NR2F1-AS1: variants seen among roughly 807,000 people sequenced by gnomAD.
NR2F1-AS1 encodes the protein NR2F1 regulatory antisense RNA 1.
chr5:93,506,918 A>G (rs906966442), intron 4 of NR2F1-AS1, among the ~76,000 whole-genome samples: 5 of 152,180 alleles, frequency 3.3e-5, no homozygotes, highest in African/African-American at 1.2e-4. Flanking sequence ...AAATTAATGA[A>G]TTTAATTGAT....
chr5:93,559,102 T>C (rs888377754), intron 2 of NR2F1-AS1, among the ~76,000 whole-genome samples: 1 of 152,142 alleles, frequency 6.6e-6, no homozygotes, highest in Non-Finnish European at 1.5e-5. Flanking sequence ...CTTCTTCCAA[T>C]AGAAGGCCAT....
At position 93,457,545 on chromosome 5, in the gene NR2F1-AS1, A is replaced by G. The variant is rs951977180; in HGVS notation, n.639-62003T>C. ...TGTCTACTTCTTTCTACATAGACAC[A>G]GTAACAGTCTGATCTCTCTTTCTCT... On this transcript the variant is annotated intron_variant and non_coding_transcript_variant, in intron 4 of 5. Coordinates refer to ENST00000660523, the Ensembl canonical transcript of NR2F1-AS1. Among the ~76,000 whole-genome samples, 3 of 152,254 alleles carry G rather than the reference A, an allele frequency of 2.0e-5. No homozygotes were observed. In the South Asian group the frequency reaches 6.2e-4, roughly 32 times the overall value.
intron 4 of NR2F1-AS1, among the ~76,000 whole-genome samples, chr5:93,490,942 G>A (rs1475196027): frequency 7.5e-6 from 1 of 134,078 alleles, no homozygotes; most frequent in Non-Finnish European, 1.6e-5. Context: ...GTGGTGGTGG[G>A]AGTGGTGGTG....
chr5:93,470,112 T>C (rs1472387559), intron 4 of NR2F1-AS1, among the ~76,000 whole-genome samples: 3 of 151,954 alleles, frequency 2.0e-5, no homozygotes, highest in Non-Finnish European at 4.4e-5. Flanking sequence ...ACAATAGTAA[T>C]AGCAGAAAAC....
chr5:93,461,903 C>T (rs539031434), intron 4 of NR2F1-AS1, among the ~76,000 whole-genome samples: 1 of 152,070 alleles, frequency 6.6e-6, no homozygotes, highest in Non-Finnish European at 1.5e-5. Flanking sequence ...AATAAATTAT[C>T]TATGACAAGT....
intron 4 of NR2F1-AS1, among the ~76,000 whole-genome samples, chr5:93,497,051 A>G (rs1032138936): frequency 2.0e-5 from 3 of 152,148 alleles, no homozygotes; most frequent in African/African-American, 7.2e-5. Flanking sequence ...CTTCTAAAAT[A>G]TAACCCTTTC....
chr5:93,497,468 A>G (rs1354933374), intron 4 of NR2F1-AS1, among the ~76,000 whole-genome samples: 1 of 152,184 alleles, frequency 6.6e-6, no homozygotes, highest in African/African-American at 2.4e-5. Context: ...CCGGTTTTCA[A>G]CATGTGGATG....
Position 93,554,038 on chromosome 5 carries a change from T to A in NR2F1-AS1, n.536-175A>T, listed in dbSNP as rs75330266. Among the ~76,000 whole-genome samples, 969 of 152,338 alleles carry A rather than the reference T, an allele frequency of 6.4e-3. 14 individuals carry two copies. Among genetic ancestry groups the A allele is most frequent in the African/African-American group, 0.023 (937 of 41,568 alleles). On this transcript the variant is annotated intron_variant and non_coding_transcript_variant, in intron 3 of 5. Transcript: ENST00000660523. ...CATTAAAAATGATATATGTAGTTACTCTGATCAATTCATTGTAGTCTATAT... is the reference window on the plus strand; with the variant it reads ...CATTAAAAATGATATATGTAGTTACACTGATCAATTCATTGTAGTCTATAT...
At chr5:93,572,970 G>C (rs925817529) in intron 1 of NR2F1-AS1, among the ~76,000 whole-genome samples, 3 of 152,244 alleles carry the variant, frequency 2.0e-5, no homozygotes, top group Admixed American at 2.0e-4. Flanking sequence ...GGGCGGCGAG[G>C]CTGGAAGGGA....
At chr5:93,532,407 G>A (rs1002357245) in intron 4 of NR2F1-AS1, among the ~76,000 whole-genome samples, 1 of 152,100 alleles carries the variant, frequency 6.6e-6, no homozygotes, top group African/African-American at 2.4e-5. Context: ...CAGAGAGAGA[G>A]AGAGAAAGAG....
chr5:93,580,277 C>G (rs1752992955), intron 1 of NR2F1-AS1, among the ~76,000 whole-genome samples: 1 of 152,252 alleles, frequency 6.6e-6, no homozygotes, highest in Non-Finnish European at 1.5e-5. Flanking sequence ...CTCGCCTTAG[C>G]GCTACGGCGA....
intron 4 of NR2F1-AS1, among the ~76,000 whole-genome samples, chr5:93,493,251 C>T (rs1750888593): frequency 6.6e-6 from 1 of 151,878 alleles, no homozygotes; most frequent in South Asian, 2.1e-4. Flanking sequence ...CAGCAATGAA[C>T]AAACTGAAAA....
At chr5:93,541,986 A>C (rs1751960687) in intron 4 of NR2F1-AS1, 1 of 151,866 alleles carries the variant, frequency 6.6e-6, no homozygotes, top group South Asian at 2.1e-4. Flanking sequence ...TTTTTGCCTC[A>C]GGTTCCAATA....
chr5:93,483,794 C>T (rs567762365), intron 4 of NR2F1-AS1, among the ~76,000 whole-genome samples: 84 of 152,198 alleles, frequency 5.5e-4, no homozygotes, highest in African/African-American at 1.8e-3. Flanking sequence ...ATAAGAACTT[C>T]GTGAAGCTTA....
chr5:93,495,984 T>C (rs1418217528), intron 4 of NR2F1-AS1: 1 of 152,126 alleles, frequency 6.6e-6, no homozygotes, highest in Non-Finnish European at 1.5e-5. Flanking sequence ...TTACCATACA[T>C]ACCTATGATT....
Position 93,569,479 on chromosome 5 carries a change from T to G in NR2F1-AS1, n.314-6016A>C, listed in dbSNP as rs546568500. Among the ~76,000 whole-genome samples the G allele has an allele frequency of 7.9e-5, 12 of 152,336 alleles. No homozygotes were observed. The South Asian group carries it at 2.5e-3, about 32-fold the overall frequency. On this transcript the variant is annotated intron_variant and non_coding_transcript_variant, in intron 1 of 5. Coordinates refer to ENST00000660523, the Ensembl canonical transcript of NR2F1-AS1. ...GGGAAGCATGCTGTGCTTCAGCGTT[T>G]CCCTGACTTTGAAGAAATGGAGCGC...
chr5:93,478,880 G>A (rs948632034), intron 4 of NR2F1-AS1, among the ~76,000 whole-genome samples: 2 of 152,098 alleles, frequency 1.3e-5, no homozygotes, highest in African/African-American at 4.8e-5. Context: ...ACCAATGAGT[G>A]ACTATATAAC....
upstream of NR2F1-AS1, chr5:93,584,906 CCCCCCG>C (rs1753199775): frequency 9.4e-6 from 1 of 105,932 alleles, no homozygotes; most frequent in African/African-American, 3.5e-5. Context: ...GCCCGGCGGG[CCCCCCG>C]CCCCCTCCCC....
intron 2 of NR2F1-AS1, among the ~76,000 whole-genome samples, chr5:93,558,171 T>G (rs1752404129): frequency 6.6e-6 from 1 of 152,198 alleles, no homozygotes; most frequent in South Asian, 2.1e-4. Flanking sequence ...TTGTCCATGT[T>G]GATATTCTGA....
Sources: gnomAD v4.1 joint callset for allele counts (sites outside exome capture counted in the v4.1 genomes callset) on GRCh38, gnomAD v4.1.1 for gene constraint, MANE v1.5 for transcripts, NCBI Gene and HGNC (gene_info 2026-07-23, HGNC 2026-07-21) for gene names.